Variants in TMPRSS11B observed in about 807,000 individuals in gnomAD.
TMPRSS11B encodes transmembrane serine protease 11B, also known as transmembrane protease serine 11B.
A neutral mutation model predicts 44.7 loss-of-function variants in TMPRSS11B; 53 were observed. That is an observed-to-expected ratio of 1.19 (90% CI 0.95 to 1.49). The LOEUF is 1.49. Among genes scored for constraint, TMPRSS11B ranks in the 40% most tolerant of loss-of-function variants. TMPRSS11B has a pLI of 0.00. For synonymous variants in TMPRSS11B, 140 were observed against 159.2 expected, an observed-to-expected ratio of 0.88 and a Z score of 0.91; for missense variants, 526 against 494.8, an observed-to-expected ratio of 1.06 and a Z score of -0.60.
intron 2 of TMPRSS11B, among the ~76,000 whole-genome samples, chr4:68,236,915 C>CATT (rs10582916): frequency 0.015 from 2,175 of 143,066 alleles, 22 homozygotes; most frequent in African/African-American, 0.025. Context: ...ACCATGGTGC[C>CATT]ATTATTATTA....
At chr4:68,228,625 G>A in intron 9 of TMPRSS11B, 117 bp downstream of exon 9, 1 of 1,009,428 alleles carries the variant, frequency 9.9e-7, no homozygotes, top group South Asian at 1.7e-5. Context: ...CATTTTTAGT[G>A]TATTGAAATA....
Position 68,229,436 on chromosome 4 carries a change from A to G in TMPRSS11B, c.767T>C (p.Ile256Thr), listed in dbSNP as rs375188654. ...KPYMTRKVQN[I>T]IFHENYSSPG... ...ACTGCTATAATTTTCATGAAAAATA[A>G]TGTTTTGGACTTTCCGTGTCATATA... The change falls in exon 8 of 10, where the codon ATT becomes ACT. Residue 256 changes from isoleucine (I) to threonine (T), a missense_variant. By Grantham distance (89) the Ile-to-Thr change is moderately conservative (BLOSUM62 -1). Coordinates refer to ENST00000332644, the MANE Select transcript of TMPRSS11B (RefSeq NM_182502.3). 32 of 1,613,908 alleles carry G rather than the reference A, an allele frequency of 2.0e-5. No individual in the cohort carries two copies. The highest frequency in any genetic ancestry group is 2.5e-5 in the Non-Finnish European group (29 of 1,179,956).
At position 68,241,804 on chromosome 4, in the gene TMPRSS11B, C is replaced by A. The variant is rs779331229; in HGVS notation, c.9G>T (p.Arg3Ser). ...AAGATCTTTGGGAAGATATGCCGTG[C>A]CTATGAAAGAGGAAAATTTTGGTTC... MY[R>S]HGISSQRSWP... is the part of the protein sequence containing the mutation. The change falls in exon 2 of 10, where the codon AGG becomes AGT. Residue 3 changes from arginine to serine, a missense_variant and splice_region_variant. Transcript: ENST00000332644. 6.2e-7 allele frequency: 1 copy of A among 1,607,338 alleles called. No individual in the cohort carries two copies. Among genetic ancestry groups the A allele is most frequent in the Non-Finnish European group, 8.5e-7 (1 of 1,174,878 alleles).
rs764840106 is a variant in TMPRSS11B at position 68,231,280 on chromosome 4, T to C, written c.609A>G (p.Gln203=). ...EGAWPWQASM[Q]WKGRHYCGAS... is the part of the protein sequence containing the mutation. The stretch of plus-strand genomic sequence containing the variant: ...CTCCACAGTAGTGACGGCCTTTCCA[T>C]TGCATGCTGGCCTGCCATGGCCATG... The change falls in exon 7 of 10, where the codon CAA becomes CAG. Residue 203 remains glutamine (Q), a synonymous_variant. Coordinates refer to ENST00000332644, the MANE Select transcript of TMPRSS11B (RefSeq NM_182502.3). 1.2e-5 allele frequency: 20 copies of C among 1,613,848 alleles called. No individual in the cohort carries two copies. Among genetic ancestry groups the C allele is most frequent in the Non-Finnish European group, 1.6e-5 (19 of 1,180,004 alleles).
In TMPRSS11B at chr4:68,227,723, A is replaced by G. The variant is rs1490491773; in HGVS notation, c.*188T>C. 4 of 277,800 alleles carry G rather than the reference A, an allele frequency of 1.4e-5. No homozygotes were observed. Among genetic ancestry groups the G allele is most frequent in the African/African-American group, 2.3e-5 (1 of 44,270 alleles). 17.2% of individuals were successfully genotyped at this position (277,800 alleles called of 1,614,324 possible). The stretch of plus-strand genomic sequence containing the variant: ...CACCTGGCCTCTTCCTATCTCTTAC[A>G]TTAATTTAAAAGATTAATAAATGCA... On this transcript the variant is annotated 3_prime_UTR_variant, in exon 10 of 10. Coordinates refer to ENST00000332644, the MANE Select transcript of TMPRSS11B (RefSeq NM_182502.3).
chr4:68,242,604 C>G (rs1466794450), intron 1 of TMPRSS11B, among the ~76,000 whole-genome samples: 2 of 149,696 alleles, frequency 1.3e-5, no homozygotes, highest in African/African-American at 5.0e-5. Context: ...GAGCCTCACT[C>G]TGTCATCCAG....
intron 1 of TMPRSS11B, among the ~76,000 whole-genome samples, chr4:68,244,560 A>C (rs1719949298): frequency 6.6e-6 from 1 of 152,248 alleles, no homozygotes; most frequent in Admixed American, 6.5e-5. Context: ...CAGCTCCATC[A>C]CAGGGGAAAA....
chr4:68,232,359 TA>T lies in TMPRSS11B; in HGVS notation c.508+18del. On this transcript the variant is annotated intron_variant, in intron 6 of 9. Coordinates refer to ENST00000332644, the MANE Select transcript of TMPRSS11B (RefSeq NM_182502.3). ...CCTGTGAGTCCATCAAATTTATAATTAAAAGGTCCTTAACTTACAGTTGTTG... is the reference window on the plus strand; with the variant it reads ...CCTGTGAGTCCATCAAATTTATAATTAAAGGTCCTTAACTTACAGTTGTTG... 2 of 1,607,028 alleles carry T rather than the reference TA, an allele frequency of 1.2e-6. No homozygotes were observed. Among genetic ancestry groups the T allele is most frequent in the Middle Eastern group, 1.7e-4 (1 of 5,978 alleles).
At position 68,229,352 on chromosome 4, in the gene TMPRSS11B, T is replaced by A. The variant is rs1173482322; in HGVS notation, c.851A>T (p.Glu284Val). ...AGGAAGACAAATCTTACGAATGTAC[T>A]CTGTAAAAGAAACTTCTTCAGCAAG... ...VQLAEEVSFT[E>V]YIRKICLPEA... The change falls in exon 8 of 10, where the codon GAG (glutamate) becomes GTG (valine). Residue 284 changes from glutamate (E) to valine (V), a missense_variant. Physicochemically the swap from Glu to Val is moderately radical, Grantham distance 121. Coordinates refer to ENST00000332644, the MANE Select transcript of TMPRSS11B (RefSeq NM_182502.3). 2.5e-6 allele frequency: 4 copies of A among 1,614,092 alleles called. No individual in the cohort carries two copies. Among genetic ancestry groups the A allele is most frequent in the Non-Finnish European group, 3.4e-6 (4 of 1,179,978 alleles).
chr4:68,240,388 T>C (rs946308495), intron 2 of TMPRSS11B, among the ~76,000 whole-genome samples: 4 of 152,200 alleles, frequency 2.6e-5, no homozygotes, highest in Non-Finnish European at 5.9e-5. Flanking sequence ...TTTAAGCTGC[T>C]GTAGCCTTCT....
At chr4:68,230,209 C>T (rs1719470813) in intron 7 of TMPRSS11B, among the ~76,000 whole-genome samples, 1 of 152,076 alleles carries the variant, frequency 6.6e-6, no homozygotes, top group Admixed American at 6.6e-5. Context: ...CTATTGTGAG[C>T]TGTGGTGTAC....
At chr4:68,239,124 CAAT>C (rs1719750125) in intron 2 of TMPRSS11B, among the ~76,000 whole-genome samples, 1 of 152,122 alleles carries the variant, frequency 6.6e-6, no homozygotes, top group Non-Finnish European at 1.5e-5. Context: ...CCCTAAACAC[CAAT>C]GTGACTGTAT....
rs935811959 is a variant in TMPRSS11B, at chr4:68,245,674, G to T, written c.-116C>A. The T allele has an allele frequency of 7.7e-7, 1 of 1,305,138 alleles. No individual in the cohort carries two copies. Among genetic ancestry groups the T allele is most frequent in the African/African-American group, 1.5e-5 (1 of 68,366 alleles). 80.8% of individuals were successfully genotyped at this position (1,305,138 alleles called of 1,614,324 possible). ...ATGACAAAAGTTAGAACCTTCTGAC[G>T]CAGCTTTTGACTTATGTGCTACATC... On this transcript the variant is annotated 5_prime_UTR_variant, in exon 1 of 10. Transcript: ENST00000332644.
chr4:68,234,001 C>T (rs1719590682), intron 5 of TMPRSS11B, among the ~76,000 whole-genome samples: 1 of 151,950 alleles, frequency 6.6e-6, no homozygotes. Flanking sequence ...AAAACCCTGT[C>T]TCTACTAAAA....
At chr4:68,229,201 T>G in intron 8 of TMPRSS11B, 56 bp downstream of exon 8, 2 of 1,324,954 alleles carry the variant, frequency 1.5e-6, no homozygotes, top group Non-Finnish European at 1.0e-6. Context: ...ATTGATTGAT[T>G]GATTGATTAA....
chr4:68,229,678 T>C (rs774857917), intron 7 of TMPRSS11B, 162 bp from the exon 8 acceptor site: 5 of 592,272 alleles, frequency 8.4e-6, no homozygotes, highest in Non-Finnish European at 1.4e-5. Flanking sequence ...CTGTTGTAAA[T>C]GTTGCAGTCA....
At chr4:68,228,322 G>A (rs553101007) in intron 9 of TMPRSS11B, among the ~76,000 whole-genome samples, 35 of 152,290 alleles carry the variant, frequency 2.3e-4, no homozygotes, top group Non-Finnish European at 4.3e-4. Flanking sequence ...GCTTGAATAT[G>A]GAGAAGGTGA....
intron 1 of TMPRSS11B, among the ~76,000 whole-genome samples, chr4:68,244,610 T>TG (rs1346250106): frequency 6.6e-6 from 1 of 152,236 alleles, no homozygotes; most frequent in African/African-American, 2.4e-5. Flanking sequence ...CATAACCATT[T>TG]GCCTTAATCA....
At chr4:68,240,384 C>T (rs374833948) in intron 2 of TMPRSS11B, among the ~76,000 whole-genome samples, 1 of 152,158 alleles carries the variant, frequency 6.6e-6, no homozygotes, top group Admixed American at 6.6e-5. Context: ...GTAATTTAAG[C>T]TGCTGTAGCC....
Sources: allele counts gnomAD v4.1 joint callset (sites outside exome capture counted in the v4.1 genomes callset), GRCh38; gene constraint gnomAD v4.1.1; transcripts MANE v1.5; gene names NCBI Gene and HGNC (gene_info 2026-07-23, HGNC 2026-07-21).